The following TEX14 variants were observed in gnomAD, a reference collection of about 807,000 sequenced individuals.
The protein encoded by TEX14 is inactive serine/threonine-protein kinase TEX14.
TEX14 carries 168 observed loss-of-function variants against 178.6 expected under a neutral mutation model. That is an observed-to-expected ratio of 0.94 (90% CI 0.83 to 1.07). TEX14 has a LOEUF of 1.07. TEX14 is among the 50% of genes least tolerant of loss of function. The probability of loss-of-function intolerance (pLI) is 0.00; values close to 1 mark genes in which losing one functional copy is unlikely to be tolerated. For missense variants in TEX14, 1,730 were observed against 1,753.6 expected (o/e 0.99, Z 0.24); for synonymous variants, 626 against 634.1 (o/e 0.99, Z 0.19).
At chr17:58,584,409 A>C (rs1041478816) in intron 19 of TEX14, 91 bp downstream of exon 19, 16 of 882,902 alleles carry the variant, frequency 1.8e-5, no homozygotes, top group Non-Finnish European at 2.8e-5. Flanking sequence ...TACTATAGCT[A>C]TTATTTTGGT....
chr17:58,601,670 G>T, intron 13 of TEX14, 136 bp downstream of exon 13: 1 of 793,702 alleles, frequency 1.3e-6, no homozygotes, highest in East Asian at 2.6e-5. Flanking sequence ...CTCCAGTCTG[G>T]GCAATAGAGC....
chr17:58,630,569 T>C lies in TEX14; in HGVS notation c.137-15A>G. 1 of 1,575,192 alleles carries C rather than the reference T, an allele frequency of 6.3e-7. No individual in the cohort carries two copies. Among genetic ancestry groups the C allele is most frequent in the Non-Finnish European group, 8.7e-7 (1 of 1,144,844 alleles). ...AACATAAATTCCTGCAAAGGAAATATCAGAATCAATGCAAATATCAGAAAA... is the reference window on the plus strand; with the variant it reads ...AACATAAATTCCTGCAAAGGAAATACCAGAATCAATGCAAATATCAGAAAA... On this transcript the variant is annotated splice_polypyrimidine_tract_variant and intron_variant, in intron 2 of 31. Coordinates refer to ENST00000349033, the MANE Select transcript of TEX14 (RefSeq NM_031272.5).
At chr17:58,557,086 CG>C (rs2044151758) in intron 31 of TEX14, 39 bp from the exon 32 acceptor site, 1 of 1,565,036 alleles carries the variant, frequency 6.4e-7, no homozygotes, top group African/African-American at 1.4e-5. Context: ...AAGGAAGTTT[CG>C]AGTTGGTATG....
At chr17:58,618,896 G>A (rs2045935193) in intron 5 of TEX14, among the ~76,000 whole-genome samples, 1 of 152,316 alleles carries the variant, frequency 6.6e-6, no homozygotes, top group South Asian at 2.1e-4. Flanking sequence ...ATTATTGATA[G>A]TTTCCCTTTC....
rs777412028 is a variant in TEX14, at chr17:58,569,239, T to G, written c.3839A>C (p.His1280Pro). Residue 1280 changes from histidine (H) to proline (P), a missense_variant, in exon 26 of 32, where the codon CAC (histidine) becomes CCC (proline). His to Pro is a moderately conservative substitution (Grantham distance 77, BLOSUM62 -2). This residue lies in a region of TEX14 where 941 missense variants were observed against 1,072.4 expected (regional missense o/e 0.88). Transcript: ENST00000349033. The surrounding 1 kb of genome is among the most constrained non-coding windows in gnomAD (Gnocchi z 4.1). The part of the protein sequence containing the change: ...LPKVEAFSQH[H>P]IDELPPPSQE... ...AGATGGTGGTGGCAGCTCATCAATGTGATGCTGTGAGAAGGCTTCTACTAG... is the reference window on the plus strand; with the variant it reads ...AGATGGTGGTGGCAGCTCATCAATGGGATGCTGTGAGAAGGCTTCTACTAG... The G allele has an allele frequency of 6.2e-7, 1 of 1,613,960 alleles. No individual in the cohort carries two copies. The highest frequency in any genetic ancestry group is 1.3e-5 in the African/African-American group (1 of 74,920).
chr17:58,589,282 G>T (rs933437707), intron 15 of TEX14, among the ~76,000 whole-genome samples: 1 of 151,330 alleles, frequency 6.6e-6, no homozygotes, highest in Non-Finnish European at 1.5e-5. Flanking sequence ...AAAAGTGTAG[G>T]CTGGGTGCAG....
At chr17:58,631,861 A>G (rs444393) in intron 2 of TEX14, 36,464 of 152,184 alleles carry the variant, frequency 0.24, 5,273 homozygotes, top group Middle Eastern at 0.41. Flanking sequence ...TGCCTTCCAC[A>G]TGCGAAAGAA....
intron 1 of TEX14, among the ~76,000 whole-genome samples, chr17:58,674,168 C>T (rs573457400): frequency 7.1e-4 from 108 of 151,846 alleles, no homozygotes; most frequent in Non-Finnish European, 1.2e-3. Context: ...CCCAGCTACT[C>T]GGGAGGCTAA....
At position 58,587,760 on chromosome 17, in the gene TEX14, G is replaced by GCC. The variant is rs2045013767; in HGVS notation, c.2703-96_2703-95dup. 7 of 1,155,282 alleles carry GCC rather than the reference G, an allele frequency of 6.1e-6. No individual in the cohort carries two copies. The Admixed American group carries it at 9.5e-5, about 16-fold the overall frequency. 71.6% of individuals were successfully genotyped at this position (1,155,282 alleles called of 1,614,324 possible). On this transcript the variant is annotated intron_variant, in intron 16 of 31. Transcript: ENST00000349033. ...TCTTGACAGAACCAAAAGCCCACCA[G>GCC]CCCATCCAGAGGACCTGTTCCCTAC...
At chr17:58,600,153 C>T (rs571027982) in intron 13 of TEX14, among the ~76,000 whole-genome samples, 32 of 152,262 alleles carry the variant, frequency 2.1e-4, no homozygotes, top group African/African-American at 7.5e-4. Context: ...TTAAGGACCA[C>T]GTTCATAGCC....
At chr17:58,615,387 G>T in intron 7 of TEX14, 42 bp from the exon 8 acceptor site, 1 of 1,183,026 alleles carries the variant, frequency 8.5e-7, no homozygotes, top group Non-Finnish European at 1.3e-6. Context: ...GGAGTGAGCA[G>T]CCACTTACTC....
chr17:58,684,485 A>G (rs1336080978), intron 1 of TEX14, among the ~76,000 whole-genome samples: 1 of 151,156 alleles, frequency 6.6e-6, no homozygotes, highest in East Asian at 1.9e-4. Flanking sequence ...AATTGCTTCC[A>G]TATTAGCCGG....
At position 58,568,240 on chromosome 17, in the gene TEX14, G is replaced by A. The variant is rs563140980; in HGVS notation, c.3886+952C>T. 2.0e-5 allele frequency among the ~76,000 whole-genome samples: 3 copies of A among 152,278 alleles called. No homozygotes were observed. The East Asian group carries it at 5.8e-4, about 29-fold the overall frequency. On this transcript the variant is annotated intron_variant, in intron 26 of 31. Coordinates refer to ENST00000349033, the MANE Select transcript of TEX14 (RefSeq NM_031272.5). ...GGAGGGGTAAAGTGAAGCAAGAAAG[G>A]TCCTATGACCATGGAAAAAGAAAGA...
At chr17:58,659,332 A>T (rs2047058369) in intron 1 of TEX14, 1 of 983,296 alleles carries the variant, frequency 1.0e-6, no homozygotes, top group African/African-American at 1.7e-5. Context: ...CTAATACCTT[A>T]CCATCGTCCT....
chr17:58,653,732 G>C (rs1483973782), intron 1 of TEX14, among the ~76,000 whole-genome samples: 3 of 152,180 alleles, frequency 2.0e-5, no homozygotes, highest in Non-Finnish European at 2.9e-5. Context: ...TTACAATTTA[G>C]CAGTGATCCT....
At chr17:58,578,133 C>A (rs551398726) in intron 20 of TEX14, among the ~76,000 whole-genome samples, 2 of 152,264 alleles carry the variant, frequency 1.3e-5, no homozygotes, top group South Asian at 2.1e-4. Flanking sequence ...CACCCCCATC[C>A]CATTCCTTAG....
At chr17:58,572,227 T>A (rs2044549130) in intron 23 of TEX14, 101 bp from the exon 24 acceptor site, 1 of 714,240 alleles carries the variant, frequency 1.4e-6, no homozygotes, top group African/African-American at 1.8e-5. Context: ...CAATATGATG[T>A]GCAGAAATGA....
intron 10 of TEX14, among the ~76,000 whole-genome samples, chr17:58,609,346 T>A (rs995276903): frequency 2.0e-5 from 3 of 152,160 alleles, no homozygotes; most frequent in Admixed American, 2.0e-4. Flanking sequence ...CCTGACCTCA[T>A]GATCCACCCG....
chr17:58,586,126 C>T (rs2144413135), intron 17 of TEX14, 44 bp from the exon 18 acceptor site: 1 of 1,556,680 alleles, frequency 6.4e-7, no homozygotes, highest in Non-Finnish European at 8.7e-7. Flanking sequence ...ACTGTAAACA[C>T]TGGAAACACA....
Sources: gnomAD v4.1 joint callset for allele counts (sites outside exome capture counted in the v4.1 genomes callset) on GRCh38, gnomAD v4.1.1 for gene constraint, gnomAD v4.1.1 regional missense constraint, Gnocchi (gnomAD v3.1) non-coding constraint, MANE v1.5 for transcripts, NCBI Gene and HGNC (gene_info 2026-07-23, HGNC 2026-07-21) for gene names.